The following CRTAC1 variants were observed in gnomAD, a reference collection of about 807,000 sequenced individuals.
CRTAC1 encodes the protein cartilage acidic protein 1.
In CRTAC1, 37 loss-of-function variants were observed where a neutral mutation model predicts 67.8. The ratio of observed to expected loss-of-function variants is 0.55; its 90% CI spans 0.42 to 0.72. The LOEUF is 0.72. Ranked by LOEUF, CRTAC1 falls within the 30% of genes least tolerant of loss-of-function variation. The probability of loss-of-function intolerance (pLI) is 0.00; values close to 1 mark genes in which losing one functional copy is unlikely to be tolerated. For missense variants in CRTAC1, 780 were observed against 931.6 expected, an observed-to-expected ratio of 0.84 and a Z score of 2.12; for synonymous variants, 348 against 371.0, an observed-to-expected ratio of 0.94 and a Z score of 0.71.
intron 2 of CRTAC1, among the ~76,000 whole-genome samples, chr10:97,987,626 T>G (rs1023023770): frequency 3.9e-5 from 6 of 152,270 alleles, no homozygotes; most frequent in Non-Finnish European, 8.8e-5. Context: ...GTGCATCATC[T>G]ACATGCACCT....
intron 2 of CRTAC1, among the ~76,000 whole-genome samples, chr10:97,977,422 C>G (rs933997065): frequency 6.6e-6 from 1 of 152,208 alleles, no homozygotes; most frequent in African/African-American, 2.4e-5. Context: ...GCTCTGCTCA[C>G]CCAATGGGGC....
chr10:97,990,069 T>C (rs1033671962), intron 2 of CRTAC1, among the ~76,000 whole-genome samples: 2 of 152,242 alleles, frequency 1.3e-5, no homozygotes, highest in African/African-American at 2.4e-5. Context: ...CACTTTCAGG[T>C]GTGACGATAC....
intron 2 of CRTAC1, among the ~76,000 whole-genome samples, chr10:97,963,660 C>T (rs1382809580): frequency 6.6e-6 from 1 of 152,154 alleles, no homozygotes; most frequent in Non-Finnish European, 1.5e-5. Flanking sequence ...ATAGAAATTC[C>T]TCAGGAAGGT....
intron 6 of CRTAC1, among the ~76,000 whole-genome samples, chr10:97,907,067 T>C (rs1256077825): frequency 6.6e-6 from 1 of 152,156 alleles, no homozygotes; most frequent in Non-Finnish European, 1.5e-5. Flanking sequence ...GATGCAATCA[T>C]ACATCCGAAA....
intron 2 of CRTAC1, among the ~76,000 whole-genome samples, chr10:98,003,092 CAT>C (rs753996393): frequency 6.6e-5 from 10 of 152,206 alleles, no homozygotes; most frequent in Non-Finnish European, 8.8e-5. Flanking sequence ...CCAAAACTCA[CAT>C]GTTTCTATGA....
At position 97,936,252 on chromosome 10, in the gene CRTAC1, G is replaced by C. The variant is rs770657920; in HGVS notation, c.339C>G (p.Asn113Lys). The change falls in exon 3 of 15, where the codon AAC becomes AAG. Residue 113 changes from asparagine to lysine, a missense_variant. Transcript: ENST00000370597. Reference sequence around the variant, plus strand: ...TGTCGCAGGCTGTGACCCCGATGGCGTTCCCCTGCCGGTCCCGCAGCGCGT... The same window carrying C: ...TGTCGCAGGCTGTGACCCCGATGGCCTTCCCCTGCCGGTCCCGCAGCGCGT... ...PYYALRDRQG[N>K]AIGVTACDID... is the part of the protein sequence containing the mutation. The C allele has an allele frequency of 6.2e-7, 1 of 1,614,116 alleles. No homozygotes were observed. Among genetic ancestry groups the C allele is most frequent in the Admixed American group, 1.7e-5 (1 of 60,024 alleles).
chr10:97,925,867 G>C (rs2050908918), intron 3 of CRTAC1, among the ~76,000 whole-genome samples: 1 of 152,112 alleles, frequency 6.6e-6, no homozygotes, highest in South Asian at 2.1e-4. Flanking sequence ...GTGTGTAAGT[G>C]ACCCCTTGAC....
chr10:97,891,585 G>T (rs1255207909), intron 11 of CRTAC1, among the ~76,000 whole-genome samples: 1 of 152,234 alleles, frequency 6.6e-6, no homozygotes, highest in African/African-American at 2.4e-5. Flanking sequence ...TCCGCCCACT[G>T]CCAGCCTGGA....
intron 1 of CRTAC1, among the ~76,000 whole-genome samples, chr10:98,028,420 G>A (rs533371690): frequency 1.3e-5 from 2 of 152,224 alleles, no homozygotes; most frequent in Admixed American, 6.5e-5. Context: ...GCCTCAGCAC[G>A]GAAGCAAGGG....
intron 2 of CRTAC1, among the ~76,000 whole-genome samples, chr10:97,966,995 C>T (rs1163458152): frequency 3.0e-4 from 1 of 3,354 alleles, no homozygotes; most frequent in African/African-American, 3.2e-4. Flanking sequence ...GTAAAGTCAC[C>T]CCCCCCCCCC....
intron 11 of CRTAC1, among the ~76,000 whole-genome samples, chr10:97,892,651 A>G (rs1022131001): frequency 7.2e-5 from 11 of 152,196 alleles, no homozygotes; most frequent in African/African-American, 2.7e-4. Flanking sequence ...AATCAAATGA[A>G]GTGACTTAGG....
At chr10:97,884,897 A>C (rs1386759489) in intron 11 of CRTAC1, among the ~76,000 whole-genome samples, 2 of 152,088 alleles carry the variant, frequency 1.3e-5, no homozygotes, top group Admixed American at 6.6e-5. Flanking sequence ...TGGGTGGGAG[A>C]CCTGGGGACA....
At chr10:98,025,995 T>C (rs1337976913) in intron 1 of CRTAC1, among the ~76,000 whole-genome samples, 2 of 152,204 alleles carry the variant, frequency 1.3e-5, no homozygotes, top group East Asian at 1.9e-4. Flanking sequence ...AGCCCAGATA[T>C]TGCTGTGAGC....
chr10:97,955,122 A>G (rs1279160236), intron 2 of CRTAC1, among the ~76,000 whole-genome samples: 3 of 152,064 alleles, frequency 2.0e-5, no homozygotes, highest in Non-Finnish European at 4.4e-5. Context: ...CTTCCCAACA[A>G]CTCTGCAAGG....
intron 3 of CRTAC1, among the ~76,000 whole-genome samples, chr10:97,923,893 G>A (rs1470752648): frequency 6.6e-6 from 1 of 152,178 alleles, no homozygotes; most frequent in Non-Finnish European, 1.5e-5. Flanking sequence ...CCACCCTGAG[G>A]AAGGGGCTGG....
intron 9 of CRTAC1, 59 bp downstream of exon 9, chr10:97,896,850 C>A: frequency 1.1e-6 from 1 of 908,914 alleles, no homozygotes; most frequent in South Asian, 1.6e-5. Context: ...CGCCCTCACC[C>A]CAGTGTATGA....
intron 14 of CRTAC1, chr10:97,878,442 G>A (rs1590174817): frequency 2.1e-5 from 7 of 336,106 alleles, no homozygotes; most frequent in Non-Finnish European, 2.9e-5. Context: ...ATCAGAAAAT[G>A]GCAGGGGCTT....
intron 2 of CRTAC1, among the ~76,000 whole-genome samples, chr10:97,980,948 T>G (rs546687623): frequency 2.6e-5 from 4 of 152,196 alleles, no homozygotes; most frequent in Non-Finnish European, 5.9e-5. Context: ...TTGAGGAACA[T>G]GTTTCCAATT....
intron 3 of CRTAC1, among the ~76,000 whole-genome samples, chr10:97,930,102 G>C: frequency 6.6e-6 from 1 of 152,230 alleles, no homozygotes; most frequent in Non-Finnish European, 1.5e-5. Flanking sequence ...GCAGTGCCAG[G>C]AAGGCAGAGT....
Sources: gnomAD v4.1 joint callset for allele counts (sites outside exome capture counted in the v4.1 genomes callset) on GRCh38, gnomAD v4.1.1 for gene constraint, MANE v1.5 for transcripts, NCBI Gene and HGNC (gene_info 2026-07-23, HGNC 2026-07-21) for gene names.